MPP7: variants seen among roughly 807,000 people sequenced by gnomAD.
MPP7 encodes MAGUK p55 subfamily member 7.
In MPP7, 60 loss-of-function variants were observed where a neutral mutation model predicts 76.5. The observed-to-expected ratio is 0.78, with a 90% CI of 0.64 to 0.97. The LOEUF (loss-of-function observed/expected upper bound fraction) is 0.97, where lower values mean the gene tolerates loss of function less well. MPP7 is among the 50% of genes least tolerant of loss of function. The probability of loss-of-function intolerance (pLI) is 0.00; values close to 1 mark genes in which losing one functional copy is unlikely to be tolerated. For missense variants in MPP7, 641 were observed against 694.0 expected, an observed-to-expected ratio of 0.92 and a Z score of 0.86; for synonymous variants, 237 against 244.5, an observed-to-expected ratio of 0.97 and a Z score of 0.29.
chr10:28,215,885 A>G (rs76253850), intron 2 of MPP7, among the ~76,000 whole-genome samples: 1,833 of 152,282 alleles, frequency 0.012, 39 homozygotes, highest in African/African-American at 0.042. Context: ...TAAATGCTAA[A>G]ACTTATTAAG....
chr10:28,216,174 A>T (rs1020070392), intron 2 of MPP7, among the ~76,000 whole-genome samples: 4 of 151,756 alleles, frequency 2.6e-5, no homozygotes, highest in African/African-American at 9.7e-5. Context: ...ATCCAGGAGT[A>T]TGGGACCAGC....
rs1837789870 is a variant in MPP7, at chr10:28,202,095, C to T, written c.156+58G>A. The T allele has an allele frequency of 6.8e-6, 8 of 1,182,804 alleles. No individual in the cohort carries two copies. In the African/African-American group the frequency reaches 9.1e-5, roughly 13 times the overall value. 73.3% of individuals were successfully genotyped at this position (1,182,804 alleles called of 1,614,324 possible). A position where few individuals can be genotyped will look rare whatever the true frequency, so the allele number is the denominator to read the frequency against. On this transcript the variant is annotated intron_variant, in intron 3 of 16. Transcript: ENST00000683449. The stretch of plus-strand genomic sequence containing the variant: ...TTGATCTCTGGTTTACTTGGTGGTG[C>T]CCCAAATATTTTTCCATATGCTTTT...
At chr10:28,073,356 A>G (rs534046265) in intron 12 of MPP7, among the ~76,000 whole-genome samples, 11 of 152,002 alleles carry the variant, frequency 7.2e-5, no homozygotes, top group Non-Finnish European at 1.3e-4. Context: ...GTCCTTCCAT[A>G]TTATCTAGCA....
At chr10:28,135,896 T>C (rs1416465870) in intron 5 of MPP7, among the ~76,000 whole-genome samples, 5 of 152,184 alleles carry the variant, frequency 3.3e-5, no homozygotes, top group African/African-American at 1.2e-4. Flanking sequence ...TACCCGCTTA[T>C]GACCTGTTAG....
chr10:28,181,097 A>C (rs1181739522), intron 3 of MPP7, among the ~76,000 whole-genome samples: 1 of 152,216 alleles, frequency 6.6e-6, no homozygotes, highest in African/African-American at 2.4e-5. Context: ...TATTAATTTT[A>C]CTTTTAGGTT....
At chr10:28,067,698 CATA>C (rs1385678401) in intron 13 of MPP7, among the ~76,000 whole-genome samples, 1 of 152,118 alleles carries the variant, frequency 6.6e-6, no homozygotes, top group East Asian at 1.9e-4. Context: ...TAGGTCCTTC[CATA>C]ATATCACATC....
At chr10:28,273,885 C>T (rs996103494) in intron 1 of MPP7, among the ~76,000 whole-genome samples, 4 of 152,124 alleles carry the variant, frequency 2.6e-5, no homozygotes, top group African/African-American at 9.7e-5. Context: ...GCCCCAGCTA[C>T]TCAGGAGGCT....
chr10:28,059,419 CA>C, intron 14 of MPP7: 1 of 410,100 alleles, frequency 2.4e-6, no homozygotes, highest in Non-Finnish European at 4.3e-6. Context: ...CCTCATTCTG[CA>C]AAGCAGTGTC....
chr10:28,092,876 A>T lies in MPP7; in HGVS notation c.953-3035T>A, dbSNP rs780138164. Among the ~76,000 whole-genome samples, 70 of 151,306 alleles carry T rather than the reference A, an allele frequency of 4.6e-4. 1 individual carries two copies. Among genetic ancestry groups the T allele is most frequent in the Non-Finnish European group, 5.9e-5 (4 of 67,952 alleles). On this transcript the variant is annotated intron_variant, in intron 11 of 16. Transcript: ENST00000683449. ...ATTATAGGCATGAGACACTGAACCC[A>T]GCCACCTTCCTATCACAGACATAAC...
At chr10:28,184,238 T>C (rs933347828) in intron 3 of MPP7, among the ~76,000 whole-genome samples, 1 of 148,306 alleles carries the variant, frequency 6.7e-6, no homozygotes, top group Non-Finnish European at 1.5e-5. Context: ...TCTTAACATA[T>C]TATTATAAAA....
intron 11 of MPP7, among the ~76,000 whole-genome samples, chr10:28,114,861 A>G (rs975826049): frequency 1.3e-5 from 2 of 152,214 alleles, no homozygotes; most frequent in Non-Finnish European, 2.9e-5. Flanking sequence ...GTGTTTGAGA[A>G]GCAACATCTT....
intron 3 of MPP7, among the ~76,000 whole-genome samples, chr10:28,157,883 T>C (rs890217931): frequency 1.3e-5 from 2 of 152,224 alleles, no homozygotes; most frequent in African/African-American, 2.4e-5. Context: ...CTTCCTATTC[T>C]TTTTGTTCAC....
Position 28,069,763 on chromosome 10 carries a change from A to G in MPP7, c.1204+9T>C. The G allele has an allele frequency of 6.2e-7, 1 of 1,610,778 alleles. No individual in the cohort carries two copies. The highest frequency in any genetic ancestry group is 8.5e-7 in the Non-Finnish European group (1 of 1,177,088). On this transcript the variant is annotated intron_variant, in intron 13 of 16. Coordinates refer to ENST00000683449, the MANE Select transcript of MPP7 (RefSeq NM_001318170.2). ...TAGTCATAGGAACACTGAGTAGCGC[A>G]GAACTCACGGGGCACTGTCACGCCA...
intron 3 of MPP7, among the ~76,000 whole-genome samples, chr10:28,201,707 G>T (rs2133983535): frequency 6.6e-6 from 1 of 152,214 alleles, no homozygotes; most frequent in Admixed American, 6.5e-5. Context: ...GCCAATAAAA[G>T]GAACAGCTTA....
intron 11 of MPP7, among the ~76,000 whole-genome samples, chr10:28,092,644 C>T (rs1310993882): frequency 2.8e-5 from 4 of 143,238 alleles, no homozygotes; most frequent in African/African-American, 1.1e-4. Flanking sequence ...AGGATCTCGG[C>T]TCTCTGAATC....
intron 1 of MPP7, among the ~76,000 whole-genome samples, chr10:28,247,545 A>G (rs1171374799): frequency 6.6e-6 from 1 of 152,218 alleles, no homozygotes; most frequent in Non-Finnish European, 1.5e-5. Context: ...ACAACTTTAT[A>G]TTAAGTTAGG....
At chr10:28,209,958 G>A (rs986709654) in intron 2 of MPP7, among the ~76,000 whole-genome samples, 6 of 152,206 alleles carry the variant, frequency 3.9e-5, no homozygotes, top group African/African-American at 1.4e-4. Flanking sequence ...AGTCCAAATA[G>A]ATCCAAAAGG....
At chr10:28,118,536 C>T in intron 11 of MPP7, 1 of 985,348 alleles carries the variant, frequency 1.0e-6, no homozygotes, top group Non-Finnish European at 1.2e-6. Flanking sequence ...AGCCTCAAAG[C>T]TCCTTTCTGT....
intron 3 of MPP7, among the ~76,000 whole-genome samples, chr10:28,197,428 C>T (rs553479118): frequency 6.6e-6 from 1 of 152,200 alleles, no homozygotes; most frequent in South Asian, 2.1e-4. Context: ...AGTGATCCAC[C>T]TGCCTCAGCC....
Sources: allele counts gnomAD v4.1 joint callset (sites outside exome capture counted in the v4.1 genomes callset), GRCh38; gene constraint gnomAD v4.1.1; transcripts MANE v1.5; gene names NCBI Gene and HGNC (gene_info 2026-07-23, HGNC 2026-07-21).